The following DLG2 variants were observed in gnomAD, a reference collection of about 807,000 sequenced individuals.
The protein encoded by DLG2 is disks large homolog 2.
A neutral mutation model predicts 132.5 loss-of-function variants in DLG2; 45 were observed. The observed-to-expected ratio is 0.34, with a 90% CI of 0.27 to 0.44. The LOEUF (loss-of-function observed/expected upper bound fraction) is 0.44. DLG2 is among the 20% of genes least tolerant of loss of function. The pLI, the probability that DLG2 is intolerant of heterozygous loss-of-function variation, is 1.00. For synonymous variants in DLG2, 424 were observed against 419.6 expected (o/e 1.01, Z -0.13); for missense variants, 1,045 against 1,196.9 (o/e 0.87, Z 1.87).
At chr11:84,088,895 G>C (rs1276757399) in intron 10 of DLG2, among the ~76,000 whole-genome samples, 6 of 152,166 alleles carry the variant, frequency 3.9e-5, no homozygotes, top group Admixed American at 3.9e-4. Context: ...CAGAGCAACA[G>C]CTGGGCTTGT....
intron 18 of DLG2, among the ~76,000 whole-genome samples, chr11:83,770,265 G>GTTTTTTTTTTTTTTTTTTTTTTTTTTT (rs71066064): frequency 3.1e-5 from 4 of 128,780 alleles, no homozygotes; most frequent in African/African-American, 6.5e-5. Context: ...GTTTTTTTTT[G>GTTTTTTTTTTTTTTTTTTTTTTTTTTT]TTTTTTTGCT....
At position 84,876,571 on chromosome 11, in the gene DLG2, C is replaced by A. The variant is rs138137475; in HGVS notation, c.357+235090G>T. Among the ~76,000 whole-genome samples the A allele has an allele frequency of 3.4e-3, 511 of 152,134 alleles. 2 individuals are homozygous for A. Among genetic ancestry groups the A allele is most frequent in the African/African-American group, 0.012 (493 of 41,522 alleles). On this transcript the variant is annotated intron_variant, in intron 6 of 27. Transcript: ENST00000376104. ...TAATGTGTCTATTTGATTATTTTCT[C>A]TTTTCTTCTTTATTAGTCTGGGTAG... is the stretch of plus-strand genomic sequence containing the variant.
At position 83,723,810 on chromosome 11, in the gene DLG2, C is replaced by T. The variant is rs1316727323; in HGVS notation, c.1825+62880G>A. Among the ~76,000 whole-genome samples the T allele has an allele frequency of 2.6e-5, 4 of 152,052 alleles. No homozygotes were observed. In the South Asian group the frequency reaches 8.3e-4, roughly 32 times the overall value. ...GGCGGAGGTTGCAGTGAGCCAAGAT[C>T]GCACCACTGCACTCCAGCCTGGGTG... is the stretch of plus-strand genomic sequence containing the variant. On this transcript the variant is annotated intron_variant, in intron 18 of 27. Coordinates refer to ENST00000376104, the MANE Select transcript of DLG2 (RefSeq NM_001142699.3).
intron 6 of DLG2, among the ~76,000 whole-genome samples, chr11:84,613,572 C>T (rs1306003985): frequency 2.0e-5 from 3 of 152,102 alleles, no homozygotes; most frequent in Admixed American, 6.6e-5. Context: ...TATCATGGTG[C>T]CCTGCACATA....
intron 16 of DLG2, among the ~76,000 whole-genome samples, chr11:83,869,263 T>C (rs76809954): frequency 0.013 from 1,919 of 152,194 alleles, 44 homozygotes; most frequent in African/African-American, 0.043. Flanking sequence ...ACGAGTCTTT[T>C]AGGTCAGCAT....
At chr11:84,341,903 A>G (rs1239513034) in intron 7 of DLG2, among the ~76,000 whole-genome samples, 2 of 152,216 alleles carry the variant, frequency 1.3e-5, no homozygotes, top group African/African-American at 4.8e-5. Context: ...TTTACAAATA[A>G]CATGCTGTAA....
At chr11:85,197,488 G>A (rs2081158071) in intron 4 of DLG2, among the ~76,000 whole-genome samples, 1 of 151,982 alleles carries the variant, frequency 6.6e-6, no homozygotes, top group African/African-American at 2.4e-5. Context: ...GACATTCAAA[G>A]GAAACCCATG....
At chr11:84,317,103 A>T in intron 7 of DLG2, 1 of 1,612,440 alleles carries the variant, frequency 6.2e-7, no homozygotes, top group Non-Finnish European at 8.5e-7. Context: ...ATCCCATCGG[A>T]CCCCCGGCTG....
In DLG2 at chr11:84,047,504, G is replaced by C. The variant is rs1188799009; in HGVS notation, c.919+11811C>G. 2.0e-5 allele frequency among the ~76,000 whole-genome samples: 3 copies of C among 151,570 alleles called. 1 individual carries two copies. Among genetic ancestry groups the C allele is most frequent in the African/African-American group, 7.2e-5 (3 of 41,454 alleles). The stretch of plus-strand genomic sequence containing the variant: ...TTACCACAGCAGCATTTTTTTTAAA[G>C]CTTACAAACAATTCCATGTAGGTAA... On this transcript the variant is annotated intron_variant, in intron 11 of 27. Coordinates refer to ENST00000376104, the MANE Select transcript of DLG2 (RefSeq NM_001142699.3).
chr11:84,460,935 T>C lies in DLG2; in HGVS notation c.519+73635A>G, dbSNP rs546615037. On this transcript the variant is annotated intron_variant, in intron 7 of 27. Coordinates refer to ENST00000376104, the MANE Select transcript of DLG2 (RefSeq NM_001142699.3). The stretch of plus-strand genomic sequence containing the variant: ...ACTGAACTACCCTATAAGAGACTCA[T>C]TGAAACATTTTTTAAGAAGCAGCTT... Among the ~76,000 whole-genome samples the C allele has an allele frequency of 1.2e-4, 18 of 150,780 alleles. No homozygotes were observed. In the South Asian group the frequency reaches 2.3e-3, roughly 19 times the overall value.
At chr11:84,039,664 A>G (rs1381793923) in intron 11 of DLG2, among the ~76,000 whole-genome samples, 7 of 75,222 alleles carry the variant, frequency 9.3e-5, no homozygotes, top group African/African-American at 1.6e-4. Flanking sequence ...ATTGTGAATA[A>G]TGCCGCAATA....
intron 4 of DLG2, among the ~76,000 whole-genome samples, chr11:85,218,566 C>T (rs1376357607): frequency 6.6e-6 from 1 of 152,048 alleles, no homozygotes; most frequent in Non-Finnish European, 1.5e-5. Context: ...CAAAAAACAA[C>T]AGATGATGAT....
intron 7 of DLG2, among the ~76,000 whole-genome samples, chr11:84,402,667 G>A (rs1353233658): frequency 1.3e-5 from 2 of 151,936 alleles, no homozygotes; most frequent in Non-Finnish European, 2.9e-5. Context: ...CGGACCACGA[G>A]CTCAGGAGAT....
intron 6 of DLG2, chr11:84,923,154 C>A: frequency 6.2e-7 from 1 of 1,613,278 alleles, no homozygotes; most frequent in Non-Finnish European, 8.5e-7. Context: ...CGGTATTCAG[C>A]TTCTCAGCAC....
intron 6 of DLG2, among the ~76,000 whole-genome samples, chr11:84,658,745 C>T (rs551287326): frequency 3.5e-4 from 54 of 152,136 alleles, no homozygotes; most frequent in Non-Finnish European, 5.7e-4. Flanking sequence ...CCTTCCACCA[C>T]GATTAAAAGC....
At chr11:83,930,760 A>G (rs1820239513) in intron 14 of DLG2, among the ~76,000 whole-genome samples, 1 of 152,188 alleles carries the variant, frequency 6.6e-6, no homozygotes, top group Admixed American at 6.5e-5. Context: ...AGCTGCTTAT[A>G]AGGAAGCTCG....
chr11:83,547,788 T>C (rs187795678), intron 19 of DLG2, among the ~76,000 whole-genome samples: 1 of 152,152 alleles, frequency 6.6e-6, no homozygotes, highest in Non-Finnish European at 1.5e-5. Flanking sequence ...CTGTGATAAT[T>C]TGTTATGGTA....
At chr11:85,131,279 CATT>C (rs912440672) in intron 5 of DLG2, among the ~76,000 whole-genome samples, 6 of 152,080 alleles carry the variant, frequency 3.9e-5, no homozygotes, top group Admixed American at 3.3e-4. Flanking sequence ...TTTGGGTTCT[CATT>C]AATAACTTTT....
chr11:84,131,427 C>G (rs1344972533), intron 9 of DLG2, among the ~76,000 whole-genome samples: 2 of 152,006 alleles, frequency 1.3e-5, no homozygotes, highest in East Asian at 3.9e-4. Context: ...TGTATACACA[C>G]ACATACATAA....
Sources: allele counts gnomAD v4.1 joint callset (sites outside exome capture counted in the v4.1 genomes callset), GRCh38; gene constraint gnomAD v4.1.1; transcripts MANE v1.5; gene names NCBI Gene and HGNC (gene_info 2026-07-23, HGNC 2026-07-21).